Variants in FOXJ3 observed in about 807,000 individuals in gnomAD.
FOXJ3 encodes forkhead box protein J3.
FOXJ3 carries 22 observed loss-of-function variants against 76.1 expected under a neutral mutation model. The ratio of observed to expected loss-of-function variants is 0.29; its 90% CI spans 0.21 to 0.41. The LOEUF is 0.41. FOXJ3 is among the 10% of genes least tolerant of loss of function. The pLI is 1.00. For missense variants in FOXJ3, 613 were observed against 762.1 expected (o/e 0.80, Z 2.30); for synonymous variants, 269 against 261.2 (o/e 1.03, Z -0.29).
At chr1:42,262,259 T>C (rs891468434) in intron 4 of FOXJ3, among the ~76,000 whole-genome samples, 3 of 152,118 alleles carry the variant, frequency 2.0e-5, no homozygotes, top group African/African-American at 4.8e-5. Flanking sequence ...TTAAGTTAGT[T>C]TGTATTGAGT....
chr1:42,281,703 T>A (rs1043118073), intron 2 of FOXJ3, among the ~76,000 whole-genome samples: 7 of 152,188 alleles, frequency 4.6e-5, no homozygotes, highest in Admixed American at 2.6e-4. Flanking sequence ...TGGTTCTCCA[T>A]CAAGCGTGGA....
intron 5 of FOXJ3, among the ~76,000 whole-genome samples, chr1:42,222,179 G>A (rs1019516141): frequency 2.6e-5 from 4 of 151,658 alleles, no homozygotes; most frequent in Non-Finnish European, 5.9e-5. Context: ...ATACTGACCT[G>A]TCTTGCGCTT....
At chr1:42,254,942 T>C (rs1054111351) in intron 4 of FOXJ3, among the ~76,000 whole-genome samples, 7 of 150,332 alleles carry the variant, frequency 4.7e-5, no homozygotes, top group Non-Finnish European at 7.4e-5. Flanking sequence ...TGTGCACATG[T>C]ACCCTAAAAC....
intron 5 of FOXJ3, among the ~76,000 whole-genome samples, chr1:42,224,009 C>T (rs1647348556): frequency 6.6e-6 from 1 of 152,186 alleles, no homozygotes; most frequent in Non-Finnish European, 1.5e-5. Context: ...TGAGTTAATA[C>T]ACATAAAATC....
At chr1:42,325,200 G>A (rs192772438) in intron 1 of FOXJ3, among the ~76,000 whole-genome samples, 1 of 152,308 alleles carries the variant, frequency 6.6e-6, no homozygotes, top group African/African-American at 2.4e-5. Context: ...AAGCAAACCT[G>A]AATGCCCAGG....
chr1:42,285,810 T>A (rs1232151871), intron 2 of FOXJ3, among the ~76,000 whole-genome samples: 2 of 152,238 alleles, frequency 1.3e-5, no homozygotes, highest in Non-Finnish European at 2.9e-5. Flanking sequence ...ACTACTGAGT[T>A]TCCCATTATC....
In FOXJ3 at chr1:42,278,585, A is replaced by C; in HGVS notation, c.132T>G (p.Ala44=). ...TMRAAIQKSD[A]TQNAHGTGIS... is the part of the protein sequence containing the mutation. ...TTCCTGTTCCATGTGCATTTTGTGT[A>C]GCATCAGATTTTTGGATGGCTGCTC... The change falls in exon 3 of 13, where the codon GCT becomes GCG. Residue 44 remains alanine, a synonymous_variant. Coordinates refer to ENST00000361346, the MANE Select transcript of FOXJ3 (RefSeq NM_014947.5). 1 of 1,614,118 alleles carries C rather than the reference A, an allele frequency of 6.2e-7. No individual in the cohort carries two copies. The highest frequency in any genetic ancestry group is 1.7e-5 in the Admixed American group (1 of 60,026).
At chr1:42,222,073 A>AAGAAGAAGAAGAAGAAGAAGAAGG (rs1647226332) in intron 5 of FOXJ3, among the ~76,000 whole-genome samples, 1 of 135,658 alleles carries the variant, frequency 7.4e-6, no homozygotes, top group African/African-American at 3.0e-5. Context: ...GAAGAAGAAG[A>AAGAAGAAGAAGAAGAAGAAGAAGG]AGAAGAAGAA....
At chr1:42,207,094 T>C (rs943649629) in intron 5 of FOXJ3, among the ~76,000 whole-genome samples, 2 of 152,178 alleles carry the variant, frequency 1.3e-5, no homozygotes, top group Admixed American at 6.5e-5. Context: ...CCTCCAAAAG[T>C]GCTACTACAG....
rs1646282758 is a variant in FOXJ3, at chr1:42,179,844, T to C, written c.1754-19A>G. On this transcript the variant is annotated intron_variant, in intron 12 of 12. Transcript: ENST00000361346. ...TGATGGCCTGGAAGGAAAGAGGCAA[T>C]AATAGCAGCGACTTGGGTAGAGAAG... 3.3e-6 allele frequency: 5 copies of C among 1,515,814 alleles called. No individual in the cohort carries two copies. Among genetic ancestry groups the C allele is most frequent in the South Asian group, 2.2e-5 (2 of 89,068 alleles). 93.9% of individuals were successfully genotyped at this position (1,515,814 alleles called of 1,614,324 possible).
At chr1:42,279,314 G>A (rs1652522569) in intron 2 of FOXJ3, among the ~76,000 whole-genome samples, 1 of 152,192 alleles carries the variant, frequency 6.6e-6, no homozygotes, top group African/African-American at 2.4e-5. Context: ...GGACACTGAT[G>A]AGTGAGAGAA....
chr1:42,180,417 C>T (rs943953008), intron 12 of FOXJ3, among the ~76,000 whole-genome samples: 2 of 152,262 alleles, frequency 1.3e-5, no homozygotes, highest in Admixed American at 1.3e-4. Context: ...GTTTATGCTC[C>T]CCAATTTTGA....
At chr1:42,224,154 G>A (rs1647360852) in intron 5 of FOXJ3, among the ~76,000 whole-genome samples, 1 of 152,178 alleles carries the variant, frequency 6.6e-6, no homozygotes, top group Admixed American at 6.5e-5. Flanking sequence ...CTAGTAAGTT[G>A]TGAAGTCAGA....
In FOXJ3 at chr1:42,312,014, T is replaced by A. The variant is rs559015493; in HGVS notation, c.-17-904A>T. Among the ~76,000 whole-genome samples, 7 of 152,248 alleles carry A rather than the reference T, an allele frequency of 4.6e-5. No individual in the cohort carries two copies. The East Asian group carries it at 1.4e-3, about 29-fold the overall frequency. ...CATAAATGGGATAAGGTAAAATGGG[T>A]TTAAGTGTATACATACGCATACACT... On this transcript the variant is annotated intron_variant, in intron 1 of 12. Transcript: ENST00000361346.
chr1:42,185,252 ATTTTTTTTT>A (rs36007346), intron 11 of FOXJ3, among the ~76,000 whole-genome samples: 3 of 108,298 alleles, frequency 2.8e-5, no homozygotes, highest in African/African-American at 1.2e-4. Context: ...AACATACTGA[ATTTTTTTTT>A]TTTTTTTTTT....
At chr1:42,236,449 G>T (rs1042239953) in intron 4 of FOXJ3, among the ~76,000 whole-genome samples, 1 of 152,066 alleles carries the variant, frequency 6.6e-6, no homozygotes, top group Non-Finnish European at 1.5e-5. Context: ...TCCCACCTAG[G>T]CATCCCAAGC....
chr1:42,299,331 G>C (rs1377644277), intron 2 of FOXJ3, among the ~76,000 whole-genome samples: 1 of 148,916 alleles, frequency 6.7e-6, no homozygotes, highest in Non-Finnish European at 1.5e-5. Flanking sequence ...AAATCTTCTT[G>C]TTGTATCAAA....
At chr1:42,307,249 G>C (rs567190703) in intron 2 of FOXJ3, among the ~76,000 whole-genome samples, 1 of 152,268 alleles carries the variant, frequency 6.6e-6, no homozygotes, top group South Asian at 2.1e-4. Context: ...AAACCACTGA[G>C]AGACAGCAGC....
intron 6 of FOXJ3, among the ~76,000 whole-genome samples, chr1:42,205,101 G>A (rs1269360203): frequency 6.6e-6 from 1 of 152,136 alleles, no homozygotes; most frequent in Non-Finnish European, 1.5e-5. Flanking sequence ...TGGTCTAGTA[G>A]GGAAGAAAAC....
Sources: gnomAD v4.1 joint callset for allele counts (sites outside exome capture counted in the v4.1 genomes callset) on GRCh38, gnomAD v4.1.1 for gene constraint, MANE v1.5 for transcripts, NCBI Gene and HGNC (gene_info 2026-07-23, HGNC 2026-07-21) for gene names.